Variants in EPHA4 observed in about 807,000 individuals in gnomAD.
The protein encoded by EPHA4 is EPH receptor A4.
Under a neutral mutation model 108.3 loss-of-function variants are expected in EPHA4, and 19 were observed. The observed-to-expected ratio is 0.18, with a 90% CI of 0.12 to 0.26. EPHA4 has a LOEUF of 0.26. EPHA4 is among the 10% of genes least tolerant of loss of function. The pLI, the probability that EPHA4 is intolerant of heterozygous loss-of-function variation, is 1.00. For synonymous variants in EPHA4, 449 were observed against 455.5 expected (o/e 0.99, Z 0.18); for missense variants, 917 against 1,254.0 (o/e 0.73, Z 4.06).
intron 8 of EPHA4, among the ~76,000 whole-genome samples, chr2:221,447,870 G>A (rs114990902): frequency 0.061 from 7,583 of 123,670 alleles, 274 homozygotes; most frequent in Non-Finnish European, 0.094. Context: ...GAGACAGAGT[G>A]TCACTCTGTT....
intron 3 of EPHA4, among the ~76,000 whole-genome samples, chr2:221,516,421 C>G (rs538821191): frequency 1.5e-3 from 213 of 144,556 alleles, no homozygotes; most frequent in African/African-American, 5.2e-3. Context: ...GAGGCACGAT[C>G]TCGGCTCACT....
At chr2:221,520,489 A>AGACTTATTT (rs1693128739) in intron 3 of EPHA4, among the ~76,000 whole-genome samples, 1 of 150,040 alleles carries the variant, frequency 6.7e-6, no homozygotes, top group African/African-American at 2.5e-5. Flanking sequence ...CCAGAGTGTA[A>AGACTTATTT]GACTTATTTC....
rs577887561 is a variant in EPHA4 at position 221,470,301 on chromosome 2, A to G, written c.1318+12051T>C. Among the ~76,000 whole-genome samples the G allele has an allele frequency of 7.9e-5, 12 of 151,668 alleles. No individual in the cohort carries two copies. The South Asian group carries it at 2.5e-3, about 32-fold the overall frequency. On this transcript the variant is annotated intron_variant, in intron 5 of 17. Transcript: ENST00000281821. ...CACGGACAGTATAAACTAGAATGTT[A>G]CAAATAGGGGAGAGAGACAGAGAGA...
rs544729795 is a variant in EPHA4, at chr2:221,420,755, A to C, written c.*820-203T>G. On this transcript the variant is annotated intron_variant, in intron 17 of 17. Coordinates refer to ENST00000281821, the MANE Select transcript of EPHA4 (RefSeq NM_004438.5). Reference sequence around the variant, plus strand: ...GAGCAAAAAAAACCTGTTTACTAACAGCTTAATTACAACTCCGAGATAGGT... The same window carrying C: ...GAGCAAAAAAAACCTGTTTACTAACCGCTTAATTACAACTCCGAGATAGGT... Among the ~76,000 whole-genome samples the C allele has an allele frequency of 3.3e-3, 497 of 152,332 alleles. 4 individuals are homozygous for C. Among genetic ancestry groups the C allele is most frequent in the Admixed American group, 5.6e-3 (85 of 15,302 alleles).
At chr2:221,504,683 AAAAT>A (rs1285043394) in intron 3 of EPHA4, among the ~76,000 whole-genome samples, 2 of 152,268 alleles carry the variant, frequency 1.3e-5, no homozygotes, top group African/African-American at 4.8e-5. Context: ...AGCAATTGTG[AAAAT>A]AAATATCAAG....
chr2:221,470,650 A>G (rs918796619), intron 5 of EPHA4, among the ~76,000 whole-genome samples: 2 of 148,334 alleles, frequency 1.3e-5, no homozygotes, highest in Non-Finnish European at 3.0e-5. Flanking sequence ...AACCTTTTTT[A>G]TAAAGAAGAA....
chr2:221,424,704 T>C (rs368924816), intron 17 of EPHA4, among the ~76,000 whole-genome samples: 1 of 152,180 alleles, frequency 6.6e-6, no homozygotes, highest in African/African-American at 2.4e-5. Context: ...TCTTTGGCCC[T>C]GTTTGGGGAT....
chr2:221,429,888 G>A, intron 15 of EPHA4, 70 bp downstream of exon 15: 1 of 1,551,212 alleles, frequency 6.4e-7, no homozygotes, highest in Non-Finnish European at 8.8e-7. Flanking sequence ...AGGAATTTAA[G>A]TGAGTCACCA....
At chr2:221,428,502 G>GT (rs1169560983) in intron 15 of EPHA4, among the ~76,000 whole-genome samples, 4 of 152,188 alleles carry the variant, frequency 2.6e-5, no homozygotes, top group Non-Finnish European at 5.9e-5. Context: ...CTATGTGATA[G>GT]TAGTGGTTGA....
Position 221,443,553 on chromosome 2 carries a change from G to A in EPHA4, c.1828C>T (p.Arg610Ter), listed in dbSNP as rs978543585. Residue 610 changes from arginine (R) to a stop codon, truncating the protein, a stop_gained, in exon 10 of 18, where the codon CGA (arginine) becomes TGA (stop). Transcript: ENST00000281821. LOFTEE classifies it high-confidence loss of function. ...GCGTCAATTTCTTTGGCAAACTCTCGCACTGCTTGGTTGGGATCTTCGTAC... is the reference window on the plus strand; with the variant it reads ...GCGTCAATTTCTTTGGCAAACTCTCACACTGCTTGGTTGGGATCTTCGTAC... ...FTYEDPNQAV[R>*]EFAKEIDASC... The A allele has an allele frequency of 6.2e-7, 1 of 1,613,698 alleles. No homozygotes were observed. The highest frequency in any genetic ancestry group is 8.5e-7 in the Non-Finnish European group (1 of 1,179,896).
At chr2:221,463,252 CAA>C (rs950369332) in intron 5 of EPHA4, among the ~76,000 whole-genome samples, 6 of 152,020 alleles carry the variant, frequency 3.9e-5, no homozygotes, top group Non-Finnish European at 8.8e-5. Context: ...AAGCAAAAAC[CAA>C]AAGAGGAGGA....
intron 3 of EPHA4, among the ~76,000 whole-genome samples, chr2:221,538,491 G>T (rs1693734822): frequency 6.6e-6 from 1 of 152,160 alleles, no homozygotes; most frequent in Non-Finnish European, 1.5e-5. Context: ...AGTTGGATTT[G>T]CTGAAGTGAG....
At chr2:221,429,819 A>G in intron 15 of EPHA4, 139 bp downstream of exon 15, 1 of 788,306 alleles carries the variant, frequency 1.3e-6, no homozygotes, top group South Asian at 1.7e-5. Context: ...TACTCTACTA[A>G]TTGAGAAAGA....
chr2:221,433,116 G>A (rs1237964995), intron 14 of EPHA4, among the ~76,000 whole-genome samples: 1 of 152,076 alleles, frequency 6.6e-6, no homozygotes, highest in Admixed American at 6.5e-5. Context: ...GAGCCACAGG[G>A]CCCGGCCTGC....
intron 2 of EPHA4, among the ~76,000 whole-genome samples, chr2:221,566,464 G>C (rs1267963381): frequency 6.6e-6 from 1 of 152,072 alleles, no homozygotes; most frequent in African/African-American, 2.4e-5. Flanking sequence ...TCCTGAAAAA[G>C]TCCTCGTCAA....
chr2:221,497,555 A>C (rs1188383456), intron 4 of EPHA4, among the ~76,000 whole-genome samples: 1 of 152,128 alleles, frequency 6.6e-6, no homozygotes, highest in Non-Finnish European at 1.5e-5. Flanking sequence ...TCTGGCCGAT[A>C]GGGTGAAACT....
Position 221,444,946 on chromosome 2 carries a change from C to T in EPHA4, c.1774+1177G>A, listed in dbSNP as rs531902834. On this transcript the variant is annotated intron_variant, in intron 9 of 17. Coordinates refer to ENST00000281821, the MANE Select transcript of EPHA4 (RefSeq NM_004438.5). ...CTAATTTAGTTATTTTTTGTAGAGACGGAGTTTTGCCATGTTGGCTAGGCT... is the reference window on the plus strand; with the variant it reads ...CTAATTTAGTTATTTTTTGTAGAGATGGAGTTTTGCCATGTTGGCTAGGCT... Among the ~76,000 whole-genome samples, 5 of 151,658 alleles carry T rather than the reference C, an allele frequency of 3.3e-5. No individual in the cohort carries two copies. In the South Asian group the frequency reaches 8.4e-4, roughly 25 times the overall value.
intron 11 of EPHA4, among the ~76,000 whole-genome samples, chr2:221,439,842 C>T (rs1690361261): frequency 6.6e-6 from 1 of 152,158 alleles, no homozygotes; most frequent in Admixed American, 6.5e-5. Context: ...AAGTGAGGGT[C>T]ATGCGGAGAA....
At chr2:221,568,344 A>G (rs1694729709) in intron 2 of EPHA4, among the ~76,000 whole-genome samples, 1 of 152,152 alleles carries the variant, frequency 6.6e-6, no homozygotes, top group South Asian at 2.1e-4. Flanking sequence ...TTCATCTGGA[A>G]GCAGGACAAT....
Sources: gnomAD v4.1 joint callset for allele counts (sites outside exome capture counted in the v4.1 genomes callset) on GRCh38, gnomAD v4.1.1 for gene constraint, MANE v1.5 for transcripts, NCBI Gene and HGNC (gene_info 2026-07-23, HGNC 2026-07-21) for gene names.